PRR16: variants seen among roughly 807,000 people sequenced by gnomAD.
PRR16 encodes protein Largen.
A neutral mutation model predicts 18.2 loss-of-function variants in PRR16; 6 were observed. The observed-to-expected ratio is 0.33, with a 90% CI of 0.18 to 0.65. PRR16 has a LOEUF of 0.65. Ranked by LOEUF, PRR16 falls within the 30% of genes least tolerant of loss-of-function variation. The pLI is 0.74. For missense variants in PRR16, 412 were observed against 376.6 expected (o/e 1.09, Z -0.78); for synonymous variants, 151 against 147.8 (o/e 1.02, Z -0.16).
At chr5:120,694,480 C>T in the PRR16 span, among the ~76,000 whole-genome samples, 1 of 151,858 alleles carries the variant, frequency 6.6e-6, no homozygotes, top group Non-Finnish European at 1.5e-5. Flanking sequence ...GTCAGGAGAT[C>T]GAGACCATCC....
At chr5:120,637,422 A>G (rs1398055947) in intron 1 of PRR16, among the ~76,000 whole-genome samples, 1 of 151,430 alleles carries the variant, frequency 6.6e-6, no homozygotes, top group Admixed American at 6.6e-5. Context: ...TCAATCAATG[A>G]GTGAATAAAG....
At chr5:120,670,798 A>G (rs1413775091) in intron 1 of PRR16, among the ~76,000 whole-genome samples, 2 of 152,178 alleles carry the variant, frequency 1.3e-5, no homozygotes, top group Admixed American at 1.3e-4. Flanking sequence ...TGGGCTTTAG[A>G]GATTTTCAGA....
chr5:120,704,755 T>G, the PRR16 span, among the ~76,000 whole-genome samples: 15 of 152,110 alleles, frequency 9.9e-5, no homozygotes, highest in Admixed American at 9.8e-4. Context: ...TCAGTAGAAT[T>G]AACAATAATT....
At chr5:120,744,377 T>C in the PRR16 span, among the ~76,000 whole-genome samples, 3 of 152,210 alleles carry the variant, frequency 2.0e-5, no homozygotes, top group Non-Finnish European at 4.4e-5. Flanking sequence ...TGTCTCAATC[T>C]TTCAGTTCCA....
rs541413680 is a variant in PRR16 at position 120,602,275 on chromosome 5, C to G, written c.160-83679C>G. ...TGCAATTCTTGTAGTACAGATCTTTCACTTCCCTGGTTAGTTATATTCCTC... is the reference window on the plus strand; with the variant it reads ...TGCAATTCTTGTAGTACAGATCTTTGACTTCCCTGGTTAGTTATATTCCTC... On this transcript the variant is annotated intron_variant, in intron 1 of 1. Coordinates refer to ENST00000407149, the MANE Select transcript of PRR16 (RefSeq NM_001300783.2). Among the ~76,000 whole-genome samples, 158 of 152,122 alleles carry G rather than the reference C, an allele frequency of 1.0e-3. 1 individual carries two copies. Among genetic ancestry groups the G allele is most frequent in the Non-Finnish European group, 1.7e-3 (116 of 67,946 alleles).
intron 1 of PRR16, among the ~76,000 whole-genome samples, chr5:120,486,791 A>G (rs1307614189): frequency 6.6e-5 from 10 of 152,156 alleles, no homozygotes; most frequent in Non-Finnish European, 1.2e-4. Flanking sequence ...TCTAACATGT[A>G]AGTCTTTAAT....
At chr5:120,670,292 C>T (rs1487526675) in intron 1 of PRR16, among the ~76,000 whole-genome samples, 1 of 152,020 alleles carries the variant, frequency 6.6e-6, no homozygotes, top group East Asian at 1.9e-4. Context: ...TGCTATGGAT[C>T]CACTAAATTC....
At chr5:120,779,416 C>T in the PRR16 span, among the ~76,000 whole-genome samples, 2 of 152,016 alleles carry the variant, frequency 1.3e-5, no homozygotes, top group East Asian at 1.9e-4. Flanking sequence ...GAAAACAAAA[C>T]AAAACAAAAC....
At chr5:120,482,640 A>G (rs1428877634) in intron 1 of PRR16, among the ~76,000 whole-genome samples, 2 of 152,180 alleles carry the variant, frequency 1.3e-5, no homozygotes, top group Non-Finnish European at 2.9e-5. Flanking sequence ...TTTTGGATAT[A>G]TACCTGGCAA....
At chr5:120,470,744 G>A (rs1433331837) in intron 1 of PRR16, among the ~76,000 whole-genome samples, 1 of 152,076 alleles carries the variant, frequency 6.6e-6, no homozygotes, top group Admixed American at 6.6e-5. Flanking sequence ...AGGTAGATGA[G>A]GAAGTTACTG....
intron 1 of PRR16, among the ~76,000 whole-genome samples, chr5:120,628,649 TTCTA>T (rs5870903): frequency 6.0e-5 from 9 of 149,140 alleles, no homozygotes; most frequent in Non-Finnish European, 1.2e-4. Flanking sequence ...TCTTTCTACC[TTCTA>T]TCTATCTACC....
the PRR16 span, among the ~76,000 whole-genome samples, chr5:120,768,724 A>G: frequency 1.3e-5 from 2 of 151,758 alleles, no homozygotes; most frequent in African/African-American, 4.8e-5. Flanking sequence ...GACTTTGATT[A>G]AAGTCAAAAA....
intron 1 of PRR16, among the ~76,000 whole-genome samples, chr5:120,595,225 CTT>C (rs1312411751): frequency 6.6e-6 from 1 of 151,618 alleles, no homozygotes; most frequent in East Asian, 1.9e-4. Context: ...CTATAAGAAA[CTT>C]AACGAAATTT....
intron 1 of PRR16, among the ~76,000 whole-genome samples, chr5:120,487,033 T>C: frequency 6.6e-6 from 1 of 152,190 alleles, no homozygotes. Context: ...AGTACCATGC[T>C]GTTTTGGTTA....
At chr5:120,493,662 T>C (rs538002480) in intron 1 of PRR16, among the ~76,000 whole-genome samples, 1 of 152,288 alleles carries the variant, frequency 6.6e-6, no homozygotes, top group South Asian at 2.1e-4. Flanking sequence ...CCTATTGCCC[T>C]TTTACAGCTA....
chr5:120,604,620 T>C (rs1754092772), intron 1 of PRR16, among the ~76,000 whole-genome samples: 1 of 152,164 alleles, frequency 6.6e-6, no homozygotes, highest in South Asian at 2.1e-4. Flanking sequence ...GTAGCCTTGA[T>C]TGTATAGTTG....
chr5:120,786,989 G>C, the PRR16 span, among the ~76,000 whole-genome samples: 1 of 152,054 alleles, frequency 6.6e-6, no homozygotes, highest in African/African-American at 2.4e-5. Flanking sequence ...AAACTTATAT[G>C]GTTTTAAGCC....
chr5:120,746,566 G>GAAAC, the PRR16 span, among the ~76,000 whole-genome samples: 1 of 152,056 alleles, frequency 6.6e-6, no homozygotes. Context: ...TCTTTCACAT[G>GAAAC]AAACACTGGA....
chr5:120,591,189 G>A lies in PRR16; in HGVS notation c.160-94765G>A, dbSNP rs1469601021. Among the ~76,000 whole-genome samples, 10 of 152,008 alleles carry A rather than the reference G, an allele frequency of 6.6e-5. No individual in the cohort carries two copies. In the East Asian group the frequency reaches 7.7e-4, roughly 12 times the overall value. On this transcript the variant is annotated intron_variant, in intron 1 of 1. Transcript: ENST00000407149. ...AGCTACTCGGGAGGCTGAGGCAGGA[G>A]AATCCCTTGAACCTGGGAGGTGGAG... is the stretch of plus-strand genomic sequence containing the variant.
Sources: gnomAD v4.1 joint callset for allele counts (sites outside exome capture counted in the v4.1 genomes callset) on GRCh38, gnomAD v4.1.1 for gene constraint, MANE v1.5 for transcripts, NCBI Gene and HGNC (gene_info 2026-07-23, HGNC 2026-07-21) for gene names.